KCNH1: variants seen among roughly 807,000 people sequenced by gnomAD.
KCNH1 encodes the protein potassium voltage-gated channel subfamily H member 1.
A neutral mutation model predicts 69.2 loss-of-function variants in KCNH1; 27 were observed. The observed-to-expected ratio is 0.39, with a 90% CI of 0.29 to 0.54. KCNH1 has a LOEUF of 0.54. KCNH1 is among the 20% of genes least tolerant of loss of function. The pLI is 0.68. For synonymous variants in KCNH1, 456 were observed against 487.7 expected, an observed-to-expected ratio of 0.93 and a Z score of 0.86; for missense variants, 798 against 1,261.6, an observed-to-expected ratio of 0.63 and a Z score of 5.57.
intron 7 of KCNH1, among the ~76,000 whole-genome samples, chr1:210,814,870 C>G (rs183554924): frequency 7.6e-4 from 116 of 152,278 alleles, no homozygotes; most frequent in Middle Eastern, 3.4e-3. Flanking sequence ...TTGGCCTGTG[C>G]TTTTCCTTAA....
At chr1:210,914,598 G>T (rs12569143) in intron 7 of KCNH1, among the ~76,000 whole-genome samples, 1 of 151,996 alleles carries the variant, frequency 6.6e-6, no homozygotes, top group Admixed American at 6.6e-5. Flanking sequence ...GAAGGCAATA[G>T]AAGGAAACAC....
Position 210,861,106 on chromosome 1 carries a change from A to G in KCNH1, c.1463-56940T>C, listed in dbSNP as rs1347299121. The G allele has an allele frequency of 3.4e-6, 3 of 876,282 alleles. No individual in the cohort carries two copies. In the African/African-American group the frequency reaches 5.0e-5, roughly 15 times the overall value. The allele number at this position is 876,282 out of a possible 1,614,324, so 54.3% of individuals were successfully genotyped here. ...CTGTAAACAAAAGCTTCTGGGCAGC[A>G]GTGGCAAAGGAAATGAAATCTTCAG... is the stretch of plus-strand genomic sequence containing the variant. On this transcript the variant is annotated intron_variant, in intron 7 of 10. Coordinates refer to ENST00000271751, the MANE Select transcript of KCNH1 (RefSeq NM_172362.3).
At chr1:210,907,125 T>C (rs776163450) in intron 7 of KCNH1, among the ~76,000 whole-genome samples, 5 of 152,202 alleles carry the variant, frequency 3.3e-5, no homozygotes, top group Non-Finnish European at 7.3e-5. Context: ...GTTAAAGCTA[T>C]ATCCAATCAC....
intron 7 of KCNH1, among the ~76,000 whole-genome samples, chr1:210,804,983 C>T (rs546257228): frequency 4.9e-4 from 75 of 152,286 alleles, no homozygotes; most frequent in Non-Finnish European, 9.3e-4. Flanking sequence ...CAAAACCCAA[C>T]CTTCTACCTC....
At chr1:210,786,644 C>T (rs1684109631) in intron 9 of KCNH1, among the ~76,000 whole-genome samples, 1 of 152,122 alleles carries the variant, frequency 6.6e-6, no homozygotes, top group Non-Finnish European at 1.5e-5. Context: ...CCTAGATTTT[C>T]ACCTCAAGCC....
chr1:210,762,172 C>T (rs766197596), intron 10 of KCNH1, among the ~76,000 whole-genome samples: 7 of 151,862 alleles, frequency 4.6e-5, no homozygotes, highest in South Asian at 2.1e-4. Flanking sequence ...AAAAATTCTT[C>T]GAAACAAATG....
At chr1:210,985,876 A>G (rs907851275) in intron 6 of KCNH1, among the ~76,000 whole-genome samples, 1 of 152,178 alleles carries the variant, frequency 6.6e-6, no homozygotes, top group Non-Finnish European at 1.5e-5. Context: ...TAATGTTGAC[A>G]GTAGGGTGTT....
chr1:211,046,120 T>C (rs140258346), intron 5 of KCNH1, among the ~76,000 whole-genome samples: 4 of 152,340 alleles, frequency 2.6e-5, no homozygotes, highest in African/African-American at 9.6e-5. Context: ...TTTATTCAGC[T>C]ATCAATAGAT....
chr1:210,789,046 C>G (rs1206129739), intron 9 of KCNH1, among the ~76,000 whole-genome samples: 1 of 152,186 alleles, frequency 6.6e-6, no homozygotes, highest in Non-Finnish European at 1.5e-5. Flanking sequence ...TCAGATGGAA[C>G]AGCTGTATGA....
chr1:210,761,034 C>T (rs1048229408), intron 10 of KCNH1, among the ~76,000 whole-genome samples: 11 of 151,686 alleles, frequency 7.3e-5, no homozygotes, highest in Non-Finnish European at 1.6e-4. Context: ...GGGCGGATCA[C>T]AAGGTCAGGA....
At chr1:211,117,707 T>C (rs1691606496) in intron 1 of KCNH1, among the ~76,000 whole-genome samples, 1 of 152,188 alleles carries the variant, frequency 6.6e-6, no homozygotes, top group African/African-American at 2.4e-5. Context: ...TGATAACAAG[T>C]TGAATTCTAG....
intron 5 of KCNH1, among the ~76,000 whole-genome samples, chr1:211,046,974 T>G (rs1690103748): frequency 6.6e-6 from 1 of 152,038 alleles, no homozygotes; most frequent in South Asian, 2.1e-4. Flanking sequence ...CAAAAAAAAG[T>G]AAAAGAAAAC....
rs759719651 is a variant in KCNH1 at position 210,683,518 on chromosome 1, C to T, written c.2733G>A (p.Lys911=). 1 of 1,614,132 alleles carries T rather than the reference C, an allele frequency of 6.2e-7. No homozygotes were observed. The highest frequency in any genetic ancestry group is 8.5e-7 in the Non-Finnish European group (1 of 1,180,020). ...QDRSPILAEV[K]HSFYPIPEQT... The stretch of plus-strand genomic sequence containing the variant: ...GCTCAGGGATGGGGTAGAACGAATG[C>T]TTGACCTCTGCCAGGATGGGACTCC... Residue 911 remains lysine, a synonymous_variant, in exon 11 of 11, where the codon AAG becomes AAA. Coordinates refer to ENST00000271751, the MANE Select transcript of KCNH1 (RefSeq NM_172362.3). This position sits in a 1 kb window ranked among gnomAD's most constrained non-coding sequence, Gnocchi z 5.7.
In KCNH1 at chr1:210,685,905, G is replaced by A. The variant is rs541806098; in HGVS notation, c.2113-1767C>T. 1.4e-3 allele frequency among the ~76,000 whole-genome samples: 215 copies of A among 152,324 alleles called. 2 individuals carry two copies. Among genetic ancestry groups the A allele is most frequent in the Middle Eastern group, 0.01 (3 of 294 alleles). ...TCAGCAAATCGCTGGCAGACTAGAG[G>A]CCCACGTCTATGCTCTAACTTCTTG... is the stretch of plus-strand genomic sequence containing the variant. On this transcript the variant is annotated intron_variant, in intron 10 of 10. Transcript: ENST00000271751.
chr1:210,829,920 C>T (rs1685122585), intron 7 of KCNH1, among the ~76,000 whole-genome samples: 1 of 152,124 alleles, frequency 6.6e-6, no homozygotes, highest in Non-Finnish European at 1.5e-5. Flanking sequence ...TTGTTCTAAG[C>T]ACTTTAGAAA....
chr1:210,963,413 G>C (rs978084852), intron 6 of KCNH1, among the ~76,000 whole-genome samples: 2 of 152,014 alleles, frequency 1.3e-5, no homozygotes, highest in African/African-American at 4.8e-5. Flanking sequence ...ACCAGCGAGG[G>C]AACAAAACTG....
intron 7 of KCNH1, among the ~76,000 whole-genome samples, chr1:210,901,769 T>C (rs1252271372): frequency 6.6e-6 from 1 of 152,200 alleles, no homozygotes; most frequent in Non-Finnish European, 1.5e-5. Flanking sequence ...AGCCTGTTGA[T>C]CTTGAGAAAG....
chr1:210,799,810 C>T (rs1010305886), intron 8 of KCNH1, among the ~76,000 whole-genome samples: 1 of 152,206 alleles, frequency 6.6e-6, no homozygotes, highest in African/African-American at 2.4e-5. Flanking sequence ...GGAAGACTTT[C>T]AGCCTCCTTC....
intron 7 of KCNH1, among the ~76,000 whole-genome samples, chr1:210,812,356 C>T (rs895095003): frequency 6.6e-6 from 1 of 152,180 alleles, no homozygotes; most frequent in African/African-American, 2.4e-5. Context: ...ACTACTCTTA[C>T]TATCCTGCCA....
Sources: allele counts gnomAD v4.1 joint callset (sites outside exome capture counted in the v4.1 genomes callset), GRCh38; gene constraint gnomAD v4.1.1; non-coding constraint Gnocchi (gnomAD v3.1); transcripts MANE v1.5; gene names NCBI Gene and HGNC (gene_info 2026-07-23, HGNC 2026-07-21).